STRIP2: variants seen among roughly 807,000 people sequenced by gnomAD.
The protein encoded by STRIP2 is striatin-interacting protein 2.
STRIP2 carries 84 observed loss-of-function variants against 107.1 expected under a neutral mutation model. The observed-to-expected ratio is 0.78, with a 90% confidence interval of 0.66 to 0.94. The LOEUF (loss-of-function observed/expected upper bound fraction) is 0.94. STRIP2 is among the 40% of genes least tolerant of loss of function. The pLI is 0.00. For missense variants in STRIP2, 888 were observed against 1,034.2 expected (o/e 0.86, Z 1.94); for synonymous variants, 394 against 400.4 (o/e 0.98, Z 0.19).
chr7:129,464,498 G>GT, intron 15 of STRIP2, 114 bp from the exon 16 acceptor site: 1 of 1,209,956 alleles, frequency 8.3e-7, no homozygotes, highest in Non-Finnish European at 1.2e-6. Flanking sequence ...AGAAGTTCAA[G>GT]TTTCCCAAGT....
chr7:129,458,818 C>T lies in STRIP2; in HGVS notation c.1340+41C>T, dbSNP rs745328156. 5 of 1,600,040 alleles carry T rather than the reference C, an allele frequency of 3.1e-6. No homozygotes were observed. In the African/African-American group the frequency reaches 6.7e-5, roughly 21 times the overall value. The stretch of plus-strand genomic sequence containing the variant: ...GCTGGAACTGGCTACAGAGTGGTTC[C>T]TAGGGGGCCAGAGGAGCAGGTAGCT... On this transcript the variant is annotated intron_variant, in intron 11 of 20. Coordinates refer to ENST00000249344, the MANE Select transcript of STRIP2 (RefSeq NM_020704.3). The surrounding 1 kb of genome is among the most constrained non-coding windows in gnomAD (Gnocchi z 4.6).
At chr7:129,439,929 A>G in intron 1 of STRIP2, 93 bp from the exon 2 acceptor site, 1 of 1,008,672 alleles carries the variant, frequency 9.9e-7, no homozygotes, top group Non-Finnish European at 1.6e-6. Context: ...CTTGGCCTCC[A>G]TGAGGGGAAG....
Position 129,461,018 on chromosome 7 carries a change from AG to A in STRIP2, c.1476+647del, listed in dbSNP as rs1798518981. 6.6e-6 allele frequency among the ~76,000 whole-genome samples: 1 copy of A among 152,218 alleles called. No homozygotes were observed. The highest frequency in any genetic ancestry group is 1.5e-5 in the Non-Finnish European group (1 of 68,036). ...TCTAAAAACATTAGCTTCTGTGTAA[AG>A]ATTGGACCAGAAAAGCATAGACGCA... On this transcript the variant is annotated intron_variant, in intron 13 of 20. Coordinates refer to ENST00000249344, the MANE Select transcript of STRIP2 (RefSeq NM_020704.3). This position sits in a 1 kb window ranked among gnomAD's most constrained non-coding sequence, Gnocchi z 4.0.
intron 15 of STRIP2, 141 bp downstream of exon 15, chr7:129,464,282 C>T (rs1341304219): frequency 1.1e-5 from 8 of 707,972 alleles, no homozygotes; most frequent in African/African-American, 1.1e-4. Context: ...TACCCCCTTT[C>T]CCGTACAGGG....
intron 16 of STRIP2, 26 bp from the exon 17 acceptor site, chr7:129,467,324 C>T: frequency 1.3e-6 from 2 of 1,517,496 alleles, no homozygotes; most frequent in Non-Finnish European, 1.8e-6. Context: ...AATAAGCAGC[C>T]CTTTCTGCTT....
At position 129,454,170 on chromosome 7, in the gene STRIP2, C is replaced by T. The variant is rs986703724; in HGVS notation, c.559C>T (p.Arg187Trp). Residue 187 changes from arginine (R) to tryptophan (W), a missense_variant, in exon 6 of 21, where the codon CGG becomes TGG. Physicochemically the swap from Arg to Trp is moderately radical, Grantham distance 101. Transcript: ENST00000249344. The part of the protein sequence containing the change: ...DNSQACSSAL[R>W]KPAVSIADST... ...CAGCCAGGCCTGTAGCAGTGCCCTT[C>T]GGAAACCAGCTGTCTCCATAGCTGA... 9.9e-6 allele frequency: 16 copies of T among 1,614,134 alleles called. No individual in the cohort carries two copies. Among genetic ancestry groups the T allele is most frequent in the Admixed American group, 8.3e-5 (5 of 60,030 alleles).
chr7:129,483,156 A>C lies in STRIP2; in HGVS notation c.2254+110A>C. ...CATGAATTGTTACATATTTTAGATG[A>C]AAAAATATGTGATTATAGGTCAGGC... On this transcript the variant is annotated intron_variant, in intron 20 of 20. Transcript: ENST00000249344. This position sits in a 1 kb window ranked among gnomAD's most constrained non-coding sequence, Gnocchi z 5.1. 1 of 1,475,970 alleles carries C rather than the reference A, an allele frequency of 6.8e-7. No individual in the cohort carries two copies. Among genetic ancestry groups the C allele is most frequent in the Non-Finnish European group, 9.0e-7 (1 of 1,113,060 alleles). 91.4% of individuals were successfully genotyped at this position (1,475,970 alleles called of 1,614,324 possible). A position where few individuals can be genotyped will look rare whatever the true frequency, so the allele number is the denominator to read the frequency against.
intron 1 of STRIP2, among the ~76,000 whole-genome samples, chr7:129,434,825 C>CCCCCGCTGCGCGAAG (rs1248204377): frequency 6.6e-6 from 1 of 152,260 alleles, no homozygotes; most frequent in African/African-American, 2.4e-5. Flanking sequence ...CTCTGGCTTT[C>CCCCCGCTGCGCGAAG]CCCCGCTGCG....
chr7:129,458,496 C>A lies in STRIP2; in HGVS notation c.1274+46C>A. ...GACCCCTATGCTTCGGGGTTTCAGT[C>A]TCCAAAGGCCCAAGATGGGGTAGTC... is the stretch of plus-strand genomic sequence containing the variant. On this transcript the variant is annotated intron_variant, in intron 10 of 20. Transcript: ENST00000249344. The surrounding 1 kb of genome is among the most constrained non-coding windows in gnomAD (Gnocchi z 4.6). The A allele has an allele frequency of 6.9e-7, 1 of 1,455,416 alleles. No individual in the cohort carries two copies. Among genetic ancestry groups the A allele is most frequent in the South Asian group, 1.3e-5 (1 of 74,126 alleles). 90.2% of individuals were successfully genotyped at this position (1,455,416 alleles called of 1,614,324 possible). A position where few individuals can be genotyped will look rare whatever the true frequency, so the allele number is the denominator to read the frequency against.
intron 9 of STRIP2, among the ~76,000 whole-genome samples, chr7:129,456,978 C>A (rs958456554): frequency 6.6e-6 from 1 of 152,098 alleles, no homozygotes; most frequent in Non-Finnish European, 1.5e-5. Flanking sequence ...CCCAGGATAC[C>A]GGAACAGGTC....
chr7:129,441,157 G>A (rs1797888626), intron 2 of STRIP2, among the ~76,000 whole-genome samples: 1 of 152,058 alleles, frequency 6.6e-6, no homozygotes, highest in African/African-American at 2.4e-5. Context: ...AGTATATGGG[G>A]AAAAGCAAAT....
At position 129,467,358 on chromosome 7, in the gene STRIP2, T is replaced by C. The variant is rs1450759790; in HGVS notation, c.1785T>C (p.Tyr595=). ...FKLNHIYQFE[Y]VSQHLVFANC... ...TTTGATTTTTAATTCAGTTTGAATA[T>C]GTATCGCAACATTTGGTATTTGCCA... Residue 595 remains tyrosine (Y), a synonymous_variant, in exon 17 of 21, where the codon TAT becomes TAC. Coordinates refer to ENST00000249344, the MANE Select transcript of STRIP2 (RefSeq NM_020704.3). 1 of 1,613,032 alleles carries C rather than the reference T, an allele frequency of 6.2e-7. No individual in the cohort carries two copies. The highest frequency in any genetic ancestry group is 1.7e-5 in the Admixed American group (1 of 59,998).
At chr7:129,457,440 C>T (rs1005768136) in intron 9 of STRIP2, among the ~76,000 whole-genome samples, 4 of 152,124 alleles carry the variant, frequency 2.6e-5, no homozygotes, top group African/African-American at 7.2e-5. Flanking sequence ...ACTGAAGCAT[C>T]GTTGTGCAGC....
intron 16 of STRIP2, 140 bp from the exon 17 acceptor site, chr7:129,467,210 G>T (rs755338009): frequency 1.3e-5 from 8 of 639,106 alleles, no homozygotes; most frequent in Non-Finnish European, 2.2e-5. Flanking sequence ...CCATTTCCCA[G>T]ACAGGAAGAC....
At chr7:129,442,186 C>T (rs189441192) in intron 2 of STRIP2, among the ~76,000 whole-genome samples, 2 of 152,258 alleles carry the variant, frequency 1.3e-5, no homozygotes, top group East Asian at 3.9e-4. Context: ...GATCACGCCA[C>T]TGCACTCCAG....
intron 18 of STRIP2, 24 bp from the exon 19 acceptor site, chr7:129,480,761 A>T (rs765486563): frequency 5.2e-5 from 83 of 1,590,114 alleles, no homozygotes; most frequent in Admixed American, 1.0e-4. Flanking sequence ...GTATTAAGAT[A>T]ATGATGGATG....
chr7:129,447,024 T>C (rs1798056034), intron 3 of STRIP2, among the ~76,000 whole-genome samples: 1 of 152,132 alleles, frequency 6.6e-6, no homozygotes, highest in Non-Finnish European at 1.5e-5. Context: ...TGCTCCAAAA[T>C]CCTAAAGGCC....
At chr7:129,444,652 C>T (rs1445696355) in intron 3 of STRIP2, among the ~76,000 whole-genome samples, 1 of 152,106 alleles carries the variant, frequency 6.6e-6, no homozygotes, top group Non-Finnish European at 1.5e-5. Flanking sequence ...CGCAAGTCCA[C>T]CCCTTGTCAG....
intron 1 of STRIP2, among the ~76,000 whole-genome samples, chr7:129,435,312 G>A (rs142927372): frequency 2.0e-5 from 3 of 152,344 alleles, no homozygotes; most frequent in African/African-American, 4.8e-5. Context: ...TATCTATGAA[G>A]ATGAAAGCGT....
Sources: allele counts gnomAD v4.1 joint callset (sites outside exome capture counted in the v4.1 genomes callset), GRCh38; gene constraint gnomAD v4.1.1; non-coding constraint Gnocchi (gnomAD v3.1); transcripts MANE v1.5; gene names NCBI Gene and HGNC (gene_info 2026-07-23, HGNC 2026-07-21).